Variants in CDK14 observed in about 807,000 individuals in gnomAD.
The protein encoded by CDK14 is cyclin dependent kinase 14, also known as cyclin-dependent kinase 14.
In CDK14, 34 loss-of-function variants were observed where a neutral mutation model predicts 60.7. That is an observed-to-expected ratio of 0.56 (90% CI 0.43 to 0.75). The LOEUF (loss-of-function observed/expected upper bound fraction) is 0.75. Among genes scored for constraint, CDK14 ranks in the 30% least tolerant of loss-of-function variants. The pLI is 0.00. For missense variants in CDK14, 482 were observed against 564.1 expected (o/e 0.85, Z 1.47); for synonymous variants, 197 against 203.7 (o/e 0.97, Z 0.28).
At chr7:90,649,285 T>C (rs1175278762) in intron 2 of CDK14, among the ~76,000 whole-genome samples, 5 of 60,838 alleles carry the variant, frequency 8.2e-5, no homozygotes, top group African/African-American at 4.1e-4. Context: ...TCTTTCTTTC[T>C]TTCTTTCTTT....
intron 8 of CDK14, among the ~76,000 whole-genome samples, chr7:90,923,676 G>A (rs531210620): frequency 2.0e-5 from 3 of 152,162 alleles, no homozygotes; most frequent in Non-Finnish European, 2.9e-5. Flanking sequence ...TTTAAATGCA[G>A]AACAAATTGC....
intron 9 of CDK14, among the ~76,000 whole-genome samples, chr7:90,958,744 C>G (rs1794508414): frequency 1.3e-5 from 2 of 152,056 alleles, no homozygotes; most frequent in Non-Finnish European, 2.9e-5. Context: ...GGGGCTTTTT[C>G]TCTATTTTTT....
At chr7:90,680,335 A>G (rs1333171482) in intron 2 of CDK14, among the ~76,000 whole-genome samples, 1 of 152,232 alleles carries the variant, frequency 6.6e-6, no homozygotes, top group Non-Finnish European at 1.5e-5. Flanking sequence ...TATCTGATTT[A>G]AAGTTACTCA....
At chr7:90,944,515 T>G (rs1403551968) in intron 8 of CDK14, among the ~76,000 whole-genome samples, 1 of 152,198 alleles carries the variant, frequency 6.6e-6, no homozygotes, top group African/African-American at 2.4e-5. Flanking sequence ...GGAGGACCAC[T>G]TGAGCCCAGG....
chr7:91,144,791 C>T (rs903865256), intron 14 of CDK14, among the ~76,000 whole-genome samples: 6 of 151,870 alleles, frequency 4.0e-5, no homozygotes, highest in Non-Finnish European at 5.9e-5. Context: ...TTGTTAAAAA[C>T]AATGTGAAGA....
intron 14 of CDK14, among the ~76,000 whole-genome samples, chr7:91,175,241 A>G (rs1801688837): frequency 6.6e-6 from 1 of 152,202 alleles, no homozygotes; most frequent in Non-Finnish European, 1.5e-5. Context: ...AAAATAGTTT[A>G]CAGACAAGCA....
At chr7:90,756,331 A>G (rs1804056784) in intron 4 of CDK14, among the ~76,000 whole-genome samples, 1 of 152,208 alleles carries the variant, frequency 6.6e-6, no homozygotes, top group Non-Finnish European at 1.5e-5. Flanking sequence ...TTAAATTTTT[A>G]TCTTGAAGAT....
chr7:90,640,767 C>T (rs926324342), intron 2 of CDK14, among the ~76,000 whole-genome samples: 1 of 151,812 alleles, frequency 6.6e-6, no homozygotes, highest in African/African-American at 2.4e-5. Context: ...CCATTGAAAG[C>T]CTCTGTGGCT....
chr7:90,733,674 C>T (rs1188139548), intron 3 of CDK14, among the ~76,000 whole-genome samples: 1 of 152,176 alleles, frequency 6.6e-6, no homozygotes, highest in Non-Finnish European at 1.5e-5. Flanking sequence ...AATATTCCTC[C>T]ATCCCTTTAT....
chr7:90,765,516 A>T lies in CDK14; in HGVS notation c.464+17741A>T, dbSNP rs189408161. Among the ~76,000 whole-genome samples the T allele has an allele frequency of 2.6e-5, 4 of 152,326 alleles. No homozygotes were observed. In the East Asian group the frequency reaches 5.8e-4, roughly 22 times the overall value. ...GTACCAAGGAAGAAAGAGAGTTTCA[A>T]AGAGCATGGACGATGATGTCAGATA... is the stretch of plus-strand genomic sequence containing the variant. On this transcript the variant is annotated intron_variant, in intron 4 of 14. Coordinates refer to ENST00000380050, the MANE Select transcript of CDK14 (RefSeq NM_001287135.2).
chr7:90,604,197 C>T, intron 1 of CDK14, 21 bp from the exon 2 acceptor site: 1 of 1,498,620 alleles, frequency 6.7e-7, no homozygotes, highest in Non-Finnish European at 9.0e-7. Context: ...TAACTGTTTC[C>T]TTTTCCTTCT....
chr7:91,158,844 A>C (rs1240557320), intron 14 of CDK14, among the ~76,000 whole-genome samples: 1 of 152,014 alleles, frequency 6.6e-6, no homozygotes, highest in African/African-American at 2.4e-5. Flanking sequence ...TCTAGAGGCA[A>C]CCCCCCAAAA....
At chr7:90,914,601 T>C (rs1271546719) in intron 7 of CDK14, among the ~76,000 whole-genome samples, 3 of 152,226 alleles carry the variant, frequency 2.0e-5, no homozygotes, top group African/African-American at 7.2e-5. Context: ...TGTTTGGGGC[T>C]TAATTTGTCA....
intron 12 of CDK14, among the ~76,000 whole-genome samples, chr7:91,107,145 TGC>T (rs559518725): frequency 1.6e-4 from 25 of 152,248 alleles, no homozygotes; most frequent in Non-Finnish European, 3.1e-4. Flanking sequence ...GTCCTGTTAC[TGC>T]CATCTTCATA....
intron 5 of CDK14, among the ~76,000 whole-genome samples, chr7:90,818,880 A>G (rs530851398): frequency 0.016 from 759 of 48,844 alleles, 6 homozygotes; most frequent in African/African-American, 0.065. Flanking sequence ...GTGTGTGTGT[A>G]TATATATGTG....
chr7:90,662,369 G>T (rs1450675885), intron 2 of CDK14, among the ~76,000 whole-genome samples: 5 of 152,330 alleles, frequency 3.3e-5, no homozygotes, highest in South Asian at 2.1e-4. Context: ...GTCCTGCTTT[G>T]CTCTCTTGCT....
At chr7:90,762,841 G>A (rs1804376242) in intron 4 of CDK14, among the ~76,000 whole-genome samples, 1 of 151,980 alleles carries the variant, frequency 6.6e-6, no homozygotes, top group African/African-American at 2.4e-5. Context: ...ACAAAAATTA[G>A]CCAGGCATGG....
At chr7:90,640,985 T>G (rs191909467) in intron 2 of CDK14, among the ~76,000 whole-genome samples, 16 of 151,912 alleles carry the variant, frequency 1.1e-4, no homozygotes, top group Admixed American at 6.6e-4. Context: ...CCAATAAACA[T>G]ATGAAAAGGT....
chr7:91,016,600 ACTT>A (rs1338861725), intron 10 of CDK14, among the ~76,000 whole-genome samples: 2 of 152,204 alleles, frequency 1.3e-5, no homozygotes, highest in East Asian at 3.8e-4. Flanking sequence ...TTGAGGGAGT[ACTT>A]CTTGAGAGCT....
Sources: allele counts gnomAD v4.1 joint callset (sites outside exome capture counted in the v4.1 genomes callset), GRCh38; gene constraint gnomAD v4.1.1; transcripts MANE v1.5; gene names NCBI Gene and HGNC (gene_info 2026-07-23, HGNC 2026-07-21).